The following FAM110B variants were observed in gnomAD, a reference collection of about 807,000 sequenced individuals.
FAM110B encodes the protein protein FAM110B.
Under a neutral mutation model 20.4 loss-of-function variants are expected in FAM110B, and 6 were observed. That is an observed-to-expected ratio of 0.29 (90% CI 0.16 to 0.58). The LOEUF is 0.58. Among genes scored for constraint, FAM110B ranks in the 20% least tolerant of loss-of-function variants. The pLI, the probability that FAM110B is intolerant of heterozygous loss-of-function variation, is 0.90. For synonymous variants in FAM110B, 226 were observed against 214.1 expected, an observed-to-expected ratio of 1.06 and a Z score of -0.49; for missense variants, 434 against 498.2, an observed-to-expected ratio of 0.87 and a Z score of 1.23.
At chr8:58,099,376 A>G (rs1041111064) in intron 3 of FAM110B, among the ~76,000 whole-genome samples, 6 of 152,140 alleles carry the variant, frequency 3.9e-5, no homozygotes, top group East Asian at 1.9e-4. Context: ...TCAAAATCCA[A>G]AACACTTCTG....
intron 3 of FAM110B, among the ~76,000 whole-genome samples, chr8:58,137,822 G>A (rs1162205519): frequency 2.0e-5 from 3 of 152,152 alleles, no homozygotes; most frequent in African/African-American, 7.2e-5. Context: ...TCTCAGACAG[G>A]ACCTGTAGCC....
intron 1 of FAM110B, among the ~76,000 whole-genome samples, chr8:58,006,079 A>G (rs1355465742): frequency 6.6e-6 from 1 of 152,140 alleles, no homozygotes; most frequent in Non-Finnish European, 1.5e-5. Flanking sequence ...TTATTCAGGC[A>G]GATCCTTATA....
intron 3 of FAM110B, among the ~76,000 whole-genome samples, chr8:58,095,296 G>A (rs574953607): frequency 1.1e-4 from 16 of 151,922 alleles, no homozygotes; most frequent in Non-Finnish European, 1.3e-4. Context: ...AAATTAGTTC[G>A]CTCTTGCTTC....
chr8:58,084,550 C>T (rs1315397691), intron 3 of FAM110B, among the ~76,000 whole-genome samples: 3 of 152,024 alleles, frequency 2.0e-5, no homozygotes, highest in Non-Finnish European at 4.4e-5. Flanking sequence ...CCACCATGCC[C>T]AGCTAATTTT....
chr8:58,030,860 C>T (rs1306657809), intron 1 of FAM110B, among the ~76,000 whole-genome samples: 23 of 152,190 alleles, frequency 1.5e-4, no homozygotes, highest in Admixed American at 1.4e-3. Flanking sequence ...ACTTTCATGA[C>T]TCGTCCCAGT....
intron 3 of FAM110B, among the ~76,000 whole-genome samples, chr8:58,101,635 A>T (rs1429629585): frequency 2.0e-5 from 3 of 151,850 alleles, no homozygotes; most frequent in Non-Finnish European, 4.4e-5. Flanking sequence ...TTACAGCTGT[A>T]TTGATTTCTA....
At chr8:58,072,104 A>G (rs1158324529) in intron 2 of FAM110B, among the ~76,000 whole-genome samples, 1 of 152,186 alleles carries the variant, frequency 6.6e-6, no homozygotes, top group African/African-American at 2.4e-5. Flanking sequence ...TTTGGGAAGG[A>G]TAAATTGGTG....
At chr8:58,098,591 T>A (rs1229358956) in intron 3 of FAM110B, among the ~76,000 whole-genome samples, 3 of 152,092 alleles carry the variant, frequency 2.0e-5, no homozygotes, top group African/African-American at 7.2e-5. Flanking sequence ...CACTGGGGTA[T>A]GAAAAGAAAC....
chr8:58,051,803 G>T (rs1253756947), intron 2 of FAM110B, among the ~76,000 whole-genome samples: 1 of 152,144 alleles, frequency 6.6e-6, no homozygotes, highest in Non-Finnish European at 1.5e-5. Context: ...ACATGGGTTG[G>T]AACGGATATA....
At chr8:58,115,150 C>T (rs920797677) in intron 3 of FAM110B, among the ~76,000 whole-genome samples, 1 of 152,228 alleles carries the variant, frequency 6.6e-6, no homozygotes, top group African/African-American at 2.4e-5. Flanking sequence ...CCCCCATGCC[C>T]CACCCTGGCC....
intron 2 of FAM110B, among the ~76,000 whole-genome samples, chr8:58,062,413 TAAAC>T (rs1437123384): frequency 1.3e-5 from 2 of 152,230 alleles, no homozygotes; most frequent in African/African-American, 4.8e-5. Flanking sequence ...AGATTTCTGT[TAAAC>T]AGACTCCATT....
chr8:58,131,077 T>C lies in FAM110B; in HGVS notation c.-324-14830T>C, dbSNP rs1250826838. On this transcript the variant is annotated intron_variant, in intron 3 of 3. Coordinates refer to ENST00000519262, the MANE Select transcript of FAM110B (RefSeq NM_001377989.1). Reference sequence around the variant, plus strand: ...CACTGCCACTCCTTTAGAGCCCTTATGATTAAAAAGGCCTTCTCCTCCAAC... The same window carrying C: ...CACTGCCACTCCTTTAGAGCCCTTACGATTAAAAAGGCCTTCTCCTCCAAC... Among the ~76,000 whole-genome samples the C allele has an allele frequency of 4.6e-5, 7 of 152,308 alleles. No individual in the cohort carries two copies. The East Asian group carries it at 1.4e-3, about 29-fold the overall frequency.
At chr8:58,091,961 A>T (rs374246950) in intron 3 of FAM110B, among the ~76,000 whole-genome samples, 114 of 152,204 alleles carry the variant, frequency 7.5e-4, no homozygotes, top group Non-Finnish European at 1.2e-3. Flanking sequence ...TAAAAGTTAT[A>T]ATTATTGAAA....
At chr8:58,091,034 G>A (rs533416797) in intron 3 of FAM110B, among the ~76,000 whole-genome samples, 1 of 152,300 alleles carries the variant, frequency 6.6e-6, no homozygotes, top group Admixed American at 6.5e-5. Context: ...ATGAGGCAGT[G>A]CAAGGCAGGT....
intron 3 of FAM110B, among the ~76,000 whole-genome samples, chr8:58,088,310 C>T (rs1806387477): frequency 6.6e-6 from 1 of 152,140 alleles, no homozygotes; most frequent in African/African-American, 2.4e-5. Flanking sequence ...CAAGTCTCTC[C>T]ATAAATGTCT....
intron 1 of FAM110B, among the ~76,000 whole-genome samples, chr8:58,013,668 G>A (rs1485179131): frequency 1.3e-5 from 2 of 152,134 alleles, no homozygotes; most frequent in Non-Finnish European, 2.9e-5. Flanking sequence ...CCTGCATGCT[G>A]AAGCCGAGAT....
chr8:58,045,311 A>G (rs1357060486), intron 2 of FAM110B, among the ~76,000 whole-genome samples: 1 of 152,184 alleles, frequency 6.6e-6, no homozygotes, highest in Non-Finnish European at 1.5e-5. Flanking sequence ...GTCGCTCTTC[A>G]TTTAGTAAGT....
Position 58,120,206 on chromosome 8 carries a change from C to T in FAM110B, c.-324-25701C>T, listed in dbSNP as rs960195648. On this transcript the variant is annotated intron_variant, in intron 3 of 3. Transcript: ENST00000519262. ...ATTATTTCAAATACCTGGTCCACAG[C>T]GTACAGTTTTCTTAATGAGATTGCT... is the stretch of plus-strand genomic sequence containing the variant. Among the ~76,000 whole-genome samples the T allele has an allele frequency of 6.6e-5, 10 of 152,300 alleles. No individual in the cohort carries two copies. The East Asian group carries it at 1.5e-3, about 23-fold the overall frequency.
intron 1 of FAM110B, among the ~76,000 whole-genome samples, chr8:58,009,041 A>G (rs765874232): frequency 7.2e-5 from 11 of 152,216 alleles, no homozygotes; most frequent in Non-Finnish European, 1.5e-4. Flanking sequence ...GAGAAGAAAC[A>G]ACCCCATCTT....
Sources: allele counts gnomAD v4.1 joint callset (sites outside exome capture counted in the v4.1 genomes callset), GRCh38; gene constraint gnomAD v4.1.1; transcripts MANE v1.5; gene names NCBI Gene and HGNC (gene_info 2026-07-23, HGNC 2026-07-21).